The following DHRSX variants were observed in gnomAD, a reference collection of about 807,000 sequenced individuals.
DHRSX encodes the protein dehydrogenase/reductase X-linked.
Under a neutral mutation model 34.0 loss-of-function variants are expected in DHRSX, and 31 were observed. The observed-to-expected ratio is 0.91, with a 90% CI of 0.69 to 1.23. DHRSX has a LOEUF of 1.23. Ranked by LOEUF, DHRSX falls within the 50% of genes most tolerant of loss-of-function variation. DHRSX has a pLI of 0.00. For synonymous variants in DHRSX, 201 were observed against 183.8 expected (o/e 1.09, Z -0.76); for missense variants, 414 against 428.1 (o/e 0.97, Z 0.29).
At position 2,381,452 on chromosome X, in the gene DHRSX, G is replaced by A. The variant is rs780223782; in HGVS notation, c.286+27293C>T. ...AGCCTGACCAACAGGGAGAAACCCC[G>A]TCTATACTAAAAATACAAAATTAGC... On this transcript the variant is annotated intron_variant, in intron 3 of 6. Transcript: ENST00000334651. 2.6e-5 allele frequency among the ~76,000 whole-genome samples: 4 copies of A among 151,874 alleles called. No individual in the cohort carries two copies. In the East Asian group the frequency reaches 7.8e-4, roughly 30 times the overall value.
At chrX:2,449,622 A>C (rs1387399763) in intron 1 of DHRSX, among the ~76,000 whole-genome samples, 2 of 151,950 alleles carry the variant, frequency 1.3e-5, no homozygotes, top group Non-Finnish European at 2.9e-5. Flanking sequence ...CAGCCTCCCA[A>C]GTAGCTGTGA....
intron 6 of DHRSX, among the ~76,000 whole-genome samples, chrX:2,232,073 A>AT (rs1270857367): frequency 8.4e-6 from 1 of 118,834 alleles, no homozygotes; most frequent in African/African-American, 3.3e-5. Context: ...TCCTCCTTTT[A>AT]TTTTTTCTCC....
Position 2,221,071 on chromosome X carries a change from C to A in DHRSX, c.963G>T (p.Glu321Asp), listed in dbSNP as rs1381920432. The change falls in exon 7 of 7, where the codon GAG (glutamate) becomes GAT (aspartate). Residue 321 changes from glutamate to aspartate, a missense_variant. Glu to Asp is a conservative substitution (Grantham distance 45, BLOSUM62 2). Coordinates refer to ENST00000334651, the MANE Select transcript of DHRSX (RefSeq NM_145177.3). ...GGGTCACATCAAGGACCCCAGTCAT[C>A]TCACAACTCTTAGACCACAGCTGCT... ...LQQQLWSKSC[E>D]MTGVLDVTL The A allele has an allele frequency of 6.2e-7, 1 of 1,613,936 alleles. No homozygotes were observed.
intron 3 of DHRSX, 52 bp downstream of exon 3, chrX:2,408,693 G>T: frequency 6.6e-7 from 1 of 1,506,176 alleles, no homozygotes; most frequent in Non-Finnish European, 9.0e-7. Flanking sequence ...CAAACGACCT[G>T]TCCCAAGGAA....
At chrX:2,500,654 G>GGCCCCCCCCCCCCCCCCCC in intron 1 of DHRSX, 163 bp downstream of exon 1, 1 of 126,746 alleles carries the variant, frequency 7.9e-6, no homozygotes, top group Non-Finnish European at 1.7e-5. Flanking sequence ...CGCGCACGCC[G>GGCCCCCCCCCCCCCCCCCC]CCCCCCCCCC....
At chrX:2,335,184 CAAAAAA>C (rs34503888) in intron 3 of DHRSX, among the ~76,000 whole-genome samples, 3 of 116,580 alleles carry the variant, frequency 2.6e-5, no homozygotes, top group African/African-American at 1.1e-4. Context: ...GACTCCATCT[CAAAAAA>C]AAAAAAAAAG....
At chrX:2,392,649 TATG>T (rs1173287006) in intron 3 of DHRSX, among the ~76,000 whole-genome samples, 1 of 146,182 alleles carries the variant, frequency 6.8e-6, no homozygotes, top group Non-Finnish European at 1.5e-5. Context: ...TGTTACATAG[TATG>T]ATATATATAA....
At chrX:2,248,626 AG>A (rs748115185) in intron 5 of DHRSX, among the ~76,000 whole-genome samples, 28,701 of 74,620 alleles carry the variant, frequency 0.38, 4,737 homozygotes, top group East Asian at 0.75. Flanking sequence ...AAAAAAAAAA[AG>A]AAAAAGAAAA....
intron 2 of DHRSX, among the ~76,000 whole-genome samples, chrX:2,424,160 T>A (rs922072645): frequency 6.6e-6 from 1 of 151,722 alleles, no homozygotes; most frequent in African/African-American, 2.4e-5. Context: ...CACAGAGGGA[T>A]GACCCTGTGA....
intron 3 of DHRSX, among the ~76,000 whole-genome samples, chrX:2,333,690 G>A (rs1397843053): frequency 1.3e-5 from 2 of 152,086 alleles, no homozygotes; most frequent in Admixed American, 1.3e-4. Flanking sequence ...TGGGATTACA[G>A]GTGTGAGCCA....
At chrX:2,485,539 G>C (rs1409937965) in intron 1 of DHRSX, among the ~76,000 whole-genome samples, 2 of 137,724 alleles carry the variant, frequency 1.5e-5, no homozygotes, top group Admixed American at 7.3e-5. Context: ...GGGAGGGAGG[G>C]AGAAAAGGGA....
chrX:2,303,736 G>GTGGA (rs898321777), intron 3 of DHRSX, among the ~76,000 whole-genome samples: 3 of 146,502 alleles, frequency 2.0e-5, no homozygotes, highest in East Asian at 2.1e-4. Context: ...GGATGGATAG[G>GTGGA]TGGATGGATG....
At chrX:2,431,966 G>T (rs1175394542) in intron 1 of DHRSX, among the ~76,000 whole-genome samples, 2 of 152,166 alleles carry the variant, frequency 1.3e-5, no homozygotes, top group African/African-American at 4.8e-5. Context: ...GCCGAGACGG[G>T]TGGATCACGA....
At chrX:2,335,451 G>A (rs945871570) in intron 3 of DHRSX, among the ~76,000 whole-genome samples, 1 of 75,534 alleles carries the variant, frequency 1.3e-5, no homozygotes, top group Non-Finnish European at 2.4e-5. Context: ...TTTTTTTGGG[G>A]TGTGTGTGTG....
At chrX:2,295,429 G>GT (rs1242814154) in intron 3 of DHRSX, among the ~76,000 whole-genome samples, 1 of 152,198 alleles carries the variant, frequency 6.6e-6, no homozygotes, top group Non-Finnish European at 1.5e-5. Flanking sequence ...TTGCTGGGGG[G>GT]TGGAGGGTTA....
intron 3 of DHRSX, among the ~76,000 whole-genome samples, chrX:2,396,770 T>C (rs1450311662): frequency 6.6e-6 from 1 of 150,820 alleles, no homozygotes; most frequent in Non-Finnish European, 1.5e-5. Context: ...TCTCCCTTTT[T>C]TTTTTTTTTT....
At chrX:2,351,826 T>C (rs2042792162) in intron 3 of DHRSX, among the ~76,000 whole-genome samples, 1 of 152,184 alleles carries the variant, frequency 6.6e-6, no homozygotes, top group African/African-American at 2.4e-5. Context: ...TTCAAGCGAT[T>C]CTCCAGCCTC....
intron 1 of DHRSX, among the ~76,000 whole-genome samples, chrX:2,444,088 T>C (rs1434923261): frequency 2.0e-5 from 3 of 148,844 alleles, no homozygotes; most frequent in Non-Finnish European, 4.5e-5. Flanking sequence ...ATTGGGGAAA[T>C]AACCTACCAT....
At chrX:2,351,758 C>T (rs2042791095) in intron 3 of DHRSX, among the ~76,000 whole-genome samples, 1 of 152,182 alleles carries the variant, frequency 6.6e-6, no homozygotes, top group Non-Finnish European at 1.5e-5. Flanking sequence ...CTTACTCTGT[C>T]GCCCAGGCTG....
Sources: gnomAD v4.1 joint callset for allele counts (sites outside exome capture counted in the v4.1 genomes callset) on GRCh38, gnomAD v4.1.1 for gene constraint, MANE v1.5 for transcripts, NCBI Gene and HGNC (gene_info 2026-07-23, HGNC 2026-07-21) for gene names.